NRG3: variants seen among roughly 807,000 people sequenced by gnomAD.
NRG3 encodes neuregulin 3, also known as pro-neuregulin-3, membrane-bound isoform.
NRG3 carries 31 observed loss-of-function variants against 66.9 expected under a neutral mutation model. The observed-to-expected ratio is 0.46, with a 90% CI of 0.35 to 0.63. NRG3 has a LOEUF of 0.63. Ranked by LOEUF, NRG3 falls within the 20% of genes least tolerant of loss-of-function variation. The pLI is 0.00. For missense variants in NRG3, 910 were observed against 878.9 expected (o/e 1.04, Z -0.45); for synonymous variants, 393 against 359.4 (o/e 1.09, Z -1.06).
rs572491562 is a variant in NRG3 at position 82,945,196 on chromosome 10, T to C, written c.1055-6273T>C. ...GTCTAGAATATAAAACCAGGCAGCA[T>C]ACCAGTGTCAGCATTAGAGTATGTT... On this transcript the variant is annotated intron_variant, in intron 4 of 8. Coordinates refer to ENST00000372141, the MANE Select transcript of NRG3 (RefSeq NM_001010848.4). Among the ~76,000 whole-genome samples the C allele has an allele frequency of 3.3e-5, 5 of 152,302 alleles. No homozygotes were observed. The South Asian group carries it at 1.0e-3, about 32-fold the overall frequency.
intron 2 of NRG3, among the ~76,000 whole-genome samples, chr10:82,489,563 C>G (rs4480481): frequency 0.67 from 102,486 of 151,968 alleles, 35,693 homozygotes; most frequent in South Asian, 0.79. Context: ...ACACCCTCAA[C>G]CTAAGGTATT....
chr10:82,823,498 G>C (rs2062044420), intron 3 of NRG3, among the ~76,000 whole-genome samples: 1 of 152,178 alleles, frequency 6.6e-6, no homozygotes, highest in African/African-American at 2.4e-5. Context: ...AGAGCTGAGA[G>C]AGTGGTGAGG....
intron 2 of NRG3, among the ~76,000 whole-genome samples, chr10:82,721,090 G>A (rs1261280811): frequency 1.0e-5 from 1 of 95,850 alleles, no homozygotes; most frequent in African/African-American, 3.8e-5. Context: ...GTTTTTGTTT[G>A]TTTGTTTATT....
At chr10:82,964,867 A>C (rs571404303) in intron 6 of NRG3, among the ~76,000 whole-genome samples, 53 of 152,212 alleles carry the variant, frequency 3.5e-4, no homozygotes, top group African/African-American at 1.3e-3. Flanking sequence ...TGCTGTGTGC[A>C]TGTGGCAGAC....
intron 1 of NRG3, among the ~76,000 whole-genome samples, chr10:82,008,435 T>G (rs2061454770): frequency 6.6e-6 from 1 of 152,208 alleles, no homozygotes; most frequent in Non-Finnish European, 1.5e-5. Context: ...ATAGGTGTGC[T>G]AAATAGAAAA....
chr10:82,502,681 C>T (rs1844306517), intron 2 of NRG3, among the ~76,000 whole-genome samples: 1 of 152,042 alleles, frequency 6.6e-6, no homozygotes, highest in Non-Finnish European at 1.5e-5. Flanking sequence ...TTCTTTGTGC[C>T]TCAGTTTCCT....
At chr10:82,623,612 C>T (rs777978723) in intron 2 of NRG3, among the ~76,000 whole-genome samples, 5 of 152,080 alleles carry the variant, frequency 3.3e-5, no homozygotes, top group Non-Finnish European at 7.4e-5. Flanking sequence ...AATTGTAGTA[C>T]CTGTGAGACA....
At chr10:81,957,290 A>C (rs1849930249) in intron 1 of NRG3, among the ~76,000 whole-genome samples, 1 of 152,132 alleles carries the variant, frequency 6.6e-6, no homozygotes, top group African/African-American at 2.4e-5. Flanking sequence ...TTTAGAGCTC[A>C]TTCATTATAG....
chr10:82,761,465 T>C (rs916859349), intron 3 of NRG3, among the ~76,000 whole-genome samples: 1 of 152,088 alleles, frequency 6.6e-6, no homozygotes, highest in Non-Finnish European at 1.5e-5. Context: ...AATCCTTAGC[T>C]TAAATTGGAA....
intron 4 of NRG3, among the ~76,000 whole-genome samples, chr10:82,878,137 T>TTA: frequency 6.6e-6 from 1 of 152,036 alleles, no homozygotes; most frequent in Non-Finnish European, 1.5e-5. Flanking sequence ...AAAGGAAATA[T>TTA]GAGAGAGAGG....
At chr10:82,929,191 T>G (rs968757185) in intron 4 of NRG3, among the ~76,000 whole-genome samples, 3 of 152,162 alleles carry the variant, frequency 2.0e-5, no homozygotes, top group Admixed American at 2.0e-4. Flanking sequence ...TGTCCTCTTC[T>G]GCCAACCCTG....
chr10:82,792,015 A>G (rs1591538541), intron 3 of NRG3, among the ~76,000 whole-genome samples: 1 of 152,182 alleles, frequency 6.6e-6, no homozygotes, highest in South Asian at 2.1e-4. Context: ...GGAAAGGGGG[A>G]TGGAAATAGA....
intron 2 of NRG3, among the ~76,000 whole-genome samples, chr10:82,666,191 G>A (rs2052767297): frequency 1.3e-5 from 2 of 152,110 alleles, no homozygotes; most frequent in Non-Finnish European, 2.9e-5. Context: ...AGTTGCTGGA[G>A]AGCCTCTGCT....
At chr10:82,625,550 C>T (rs2049361433) in intron 2 of NRG3, among the ~76,000 whole-genome samples, 1 of 152,104 alleles carries the variant, frequency 6.6e-6, no homozygotes, top group African/African-American at 2.4e-5. Context: ...TAGGGCCCAG[C>T]TTTGCTTGGC....
At chr10:82,877,302 C>T (rs184178419) in intron 4 of NRG3, among the ~76,000 whole-genome samples, 1 of 151,260 alleles carries the variant, frequency 6.6e-6, no homozygotes, top group Admixed American at 6.6e-5. Flanking sequence ...AGGCCTTGTA[C>T]CAGGCCAGCT....
chr10:82,359,983 A>G (rs2084026272), intron 2 of NRG3, among the ~76,000 whole-genome samples: 1 of 152,196 alleles, frequency 6.6e-6, no homozygotes, highest in African/African-American at 2.4e-5. Context: ...CAGGTTTGGA[A>G]GAACAGATAC....
chr10:82,975,853 C>T (rs752267692), intron 7 of NRG3, among the ~76,000 whole-genome samples: 3 of 151,968 alleles, frequency 2.0e-5, no homozygotes, highest in South Asian at 4.2e-4. Context: ...GACAGTTTAG[C>T]GAACTATGAA....
intron 4 of NRG3, among the ~76,000 whole-genome samples, chr10:82,882,913 G>C (rs1332242118): frequency 6.6e-6 from 1 of 152,186 alleles, no homozygotes; most frequent in Non-Finnish European, 1.5e-5. Flanking sequence ...GATTACATTA[G>C]CTGCCAGTGG....
chr10:82,600,802 T>G (rs2047578755), intron 2 of NRG3, among the ~76,000 whole-genome samples: 1 of 152,102 alleles, frequency 6.6e-6, no homozygotes, highest in African/African-American at 2.4e-5. Context: ...TTAATTTTTA[T>G]TTTAGATTTA....
Sources: gnomAD v4.1 joint callset for allele counts (sites outside exome capture counted in the v4.1 genomes callset) on GRCh38, gnomAD v4.1.1 for gene constraint, MANE v1.5 for transcripts, NCBI Gene and HGNC (gene_info 2026-07-23, HGNC 2026-07-21) for gene names.